The following FBXL14 variants were observed in gnomAD, a reference collection of about 807,000 sequenced individuals.
FBXL14 encodes F-box/LRR-repeat protein 14.
A neutral mutation model predicts 24.5 loss-of-function variants in FBXL14; 11 were observed. That is an observed-to-expected ratio of 0.45 (90% CI 0.28 to 0.74). The LOEUF (loss-of-function observed/expected upper bound fraction) is 0.74. FBXL14 is among the 30% of genes least tolerant of loss of function. FBXL14 has a pLI of 0.12. For synonymous variants in FBXL14, 294 were observed against 240.4 expected (o/e 1.22, Z -2.06); for missense variants, 384 against 545.6 (o/e 0.70, Z 2.95).
At chr12:1,572,619 G>C (rs544498772) in intron 1 of FBXL14, among the ~76,000 whole-genome samples, 1 of 79,320 alleles carries the variant, frequency 1.3e-5, no homozygotes, top group Middle Eastern at 7.6e-3. Flanking sequence ...CGCACATACA[G>C]GTCGGGGAAG....
At chr12:1,578,066 C>T (rs2094459370) in intron 1 of FBXL14, among the ~76,000 whole-genome samples, 1 of 152,204 alleles carries the variant, frequency 6.6e-6, no homozygotes, top group South Asian at 2.1e-4. Flanking sequence ...TTAGACGTAA[C>T]ATTTCATAAC....
Position 1,594,176 on chromosome 12 carries a change from C to T in FBXL14, c.-110G>A. On this transcript the variant is annotated 5_prime_UTR_variant, in exon 1 of 2. Transcript: ENST00000339235. ...TCCCCAGCCGCCGCCGCCGCCGCCG[C>T]CGCCGCCTCGGGCCCAACGGCCGGC... 4.3e-6 allele frequency: 4 copies of T among 930,922 alleles called. No individual in the cohort carries two copies. Among genetic ancestry groups the T allele is most frequent in the East Asian group, 4.0e-5 (1 of 24,946 alleles). The allele number at this position is 930,922 out of a possible 1,614,324, so 57.7% of individuals were successfully genotyped here.
Position 1,567,164 on chromosome 12 carries a change from T to C in FBXL14, c.1195-354A>G, listed in dbSNP as rs1166533187. On this transcript the variant is annotated intron_variant, in intron 1 of 1. Coordinates refer to ENST00000339235, the MANE Select transcript of FBXL14 (RefSeq NM_152441.3). This position sits in a 1 kb window ranked among gnomAD's most constrained non-coding sequence, Gnocchi z 4.8. ...ACTATCAAGAAAAAGATATAAGACA[T>C]ACTAAAGGGCAAATAGGGCCTGGCA... Among the ~76,000 whole-genome samples the C allele has an allele frequency of 6.6e-6, 1 of 151,718 alleles. No individual in the cohort carries two copies. The highest frequency in any genetic ancestry group is 1.5e-5 in the Non-Finnish European group (1 of 67,946).
chr12:1,584,641 C>A (rs531015703), intron 1 of FBXL14, among the ~76,000 whole-genome samples: 15 of 152,248 alleles, frequency 9.9e-5, no homozygotes, highest in Non-Finnish European at 1.8e-4. Flanking sequence ...CTGCTTCGTA[C>A]AACCGTCAGC....
At position 1,569,921 on chromosome 12, in the gene FBXL14, C is replaced by T. The variant is rs1307935398; in HGVS notation, c.1195-3111G>A. On this transcript the variant is annotated intron_variant, in intron 1 of 1. Coordinates refer to ENST00000339235, the MANE Select transcript of FBXL14 (RefSeq NM_152441.3). The surrounding 1 kb of genome is among the most constrained non-coding windows in gnomAD (Gnocchi z 4.2). ...TGCCCACTGCAGAGCCAGCATCCCC[C>T]TCGAGAGCTGCACTTCTGCCCTCAG... 1.3e-5 allele frequency among the ~76,000 whole-genome samples: 2 copies of T among 152,234 alleles called. No individual in the cohort carries two copies. The highest frequency in any genetic ancestry group is 2.4e-5 in the African/African-American group (1 of 41,458).
rs1433763922 is a variant in FBXL14, at chr12:1,567,502, TAATAATAAAATGA to T, written c.1195-705_1195-693del. On this transcript the variant is annotated intron_variant, in intron 1 of 1. Transcript: ENST00000339235. This position sits in a 1 kb window ranked among gnomAD's most constrained non-coding sequence, Gnocchi z 4.8. ...TGGTACTCTGTCTCAAAAATAATAA[TAATAATAAAATGA>T]AATAAGAATCAAATAACACATGTTG... Among the ~76,000 whole-genome samples, 1 of 151,368 alleles carries T rather than the reference TAATAATAAAATGA, an allele frequency of 6.6e-6. No homozygotes were observed. Among genetic ancestry groups the T allele is most frequent in the African/African-American group, 2.4e-5 (1 of 41,176 alleles).
At chr12:1,580,675 G>A (rs11830202) in intron 1 of FBXL14, among the ~76,000 whole-genome samples, 28,556 of 152,024 alleles carry the variant, frequency 0.19, 5,216 homozygotes, top group African/African-American at 0.48. Context: ...GCAGACTTGT[G>A]TATTGTGCTG....
rs370538336 is a variant in FBXL14 at position 1,569,706 on chromosome 12, G to C, written c.1195-2896C>G. On this transcript the variant is annotated intron_variant, in intron 1 of 1. Coordinates refer to ENST00000339235, the MANE Select transcript of FBXL14 (RefSeq NM_152441.3). This position sits in a 1 kb window ranked among gnomAD's most constrained non-coding sequence, Gnocchi z 4.2. ...TGAGCCACCGCTCCCGGCACCACTT[G>C]GTTCTTTATGGCTGTTGAGCATAGC... Among the ~76,000 whole-genome samples the C allele has an allele frequency of 3.9e-5, 6 of 152,322 alleles. No homozygotes were observed. In the South Asian group the frequency reaches 1.2e-3, roughly 32 times the overall value.
intron 1 of FBXL14, among the ~76,000 whole-genome samples, chr12:1,572,036 C>T (rs1427351536): frequency 6.6e-6 from 1 of 152,134 alleles, no homozygotes; most frequent in Non-Finnish European, 1.5e-5. Context: ...GGAGGCTTCA[C>T]CACCAAGGAT....
Position 1,592,880 on chromosome 12 carries a change from C to T in FBXL14, c.1187G>A (p.Ser396Asn), listed in dbSNP as rs1194767426. The T allele has an allele frequency of 6.4e-7, 1 of 1,567,046 alleles. No individual in the cohort carries two copies. The highest frequency in any genetic ancestry group is 8.7e-7 in the Non-Finnish European group (1 of 1,151,574). The change falls in exon 1 of 2, where the codon AGT (serine) becomes AAT (asparagine). Residue 396 changes from serine (S) to asparagine (N), a missense_variant. Ser to Asn is a conservative substitution (Grantham distance 46). Transcript: ENST00000339235. The part of the protein sequence containing the change: ...LNLGLWQMTD[S>N]EKEARGDFSP... ...CTGCCGCCCTCACCTGACCTTCTCA[C>T]TGTCCGTCATCTGCCAGAGTCCCAG...
chr12:1,582,330 T>G (rs1419306616), intron 1 of FBXL14, among the ~76,000 whole-genome samples: 1 of 152,100 alleles, frequency 6.6e-6, no homozygotes, highest in Non-Finnish European at 1.5e-5. Flanking sequence ...CTCCCAGTTC[T>G]TCCGAGGAGC....
At chr12:1,586,382 T>A (rs2094476583) in intron 1 of FBXL14, among the ~76,000 whole-genome samples, 1 of 152,036 alleles carries the variant, frequency 6.6e-6, no homozygotes, top group Admixed American at 6.6e-5. Flanking sequence ...AAAATAATAA[T>A]TTTTTTAAGA....
chr12:1,578,859 G>T (rs529612743), intron 1 of FBXL14, among the ~76,000 whole-genome samples: 1 of 152,068 alleles, frequency 6.6e-6, no homozygotes, highest in South Asian at 2.1e-4. Flanking sequence ...GTCAGACCAC[G>T]GTGGGCTTTG....
intron 1 of FBXL14, among the ~76,000 whole-genome samples, chr12:1,586,562 G>A (rs752407100): frequency 1.4e-4 from 22 of 152,138 alleles, no homozygotes; most frequent in Middle Eastern, 3.4e-3. Flanking sequence ...CCTGTGAGCC[G>A]CCTCCATGCT....
chr12:1,579,363 C>G lies in FBXL14; in HGVS notation c.1195-12553G>C, dbSNP rs2094461880. Among the ~76,000 whole-genome samples, 1 of 152,000 alleles carries G rather than the reference C, an allele frequency of 6.6e-6. No individual in the cohort carries two copies. The highest frequency in any genetic ancestry group is 2.4e-5 in the African/African-American group (1 of 41,380). On this transcript the variant is annotated intron_variant, in intron 1 of 1. Transcript: ENST00000339235. The surrounding 1 kb of genome is among the most constrained non-coding windows in gnomAD (Gnocchi z 4.3). ...GGGCACGGTGGCTCACGCCTGTAAT[C>G]CCAGCACTTTGGGAGGCTGAGGTGG... is the stretch of plus-strand genomic sequence containing the variant.
At chr12:1,578,578 G>A (rs2094460271) in intron 1 of FBXL14, among the ~76,000 whole-genome samples, 1 of 152,128 alleles carries the variant, frequency 6.6e-6, no homozygotes, top group African/African-American at 2.4e-5. Flanking sequence ...GGCAGAGGTT[G>A]CAGTGAGCCG....
chr12:1,583,123 T>TA (rs988259352), intron 1 of FBXL14, among the ~76,000 whole-genome samples: 18 of 147,454 alleles, frequency 1.2e-4, no homozygotes, highest in South Asian at 6.2e-4. Context: ...TAATAAAAAT[T>TA]AAAAAAAATT....
chr12:1,571,081 T>TG (rs1470395425), intron 1 of FBXL14, among the ~76,000 whole-genome samples: 8 of 152,254 alleles, frequency 5.3e-5, no homozygotes, highest in Non-Finnish European at 7.3e-5. Flanking sequence ...GCATGGTCCT[T>TG]CAGCCACTAT....
chr12:1,576,180 T>C (rs2094455594), intron 1 of FBXL14, among the ~76,000 whole-genome samples: 1 of 152,140 alleles, frequency 6.6e-6, no homozygotes, highest in African/African-American at 2.4e-5. Context: ...ATCAAGGACC[T>C]GATTTGGTTT....
Sources: allele counts gnomAD v4.1 joint callset (sites outside exome capture counted in the v4.1 genomes callset), GRCh38; gene constraint gnomAD v4.1.1; non-coding constraint Gnocchi (gnomAD v3.1); transcripts MANE v1.5; gene names NCBI Gene and HGNC (gene_info 2026-07-23, HGNC 2026-07-21).